TTLL13: variants seen among roughly 807,000 people sequenced by gnomAD.
TTLL13 encodes the protein tubulin polyglutamylase TTLL13.
At chr15:90,254,283 A>T in the TTLL13 span, among the ~76,000 whole-genome samples, 2 of 151,552 alleles carry the variant, frequency 1.3e-5, no homozygotes, top group East Asian at 1.9e-4. Context: ...TCATGAGGTC[A>T]GGAGTTCAAG....
the TTLL13 span, chr15:90,265,435 T>G: frequency 7.7e-7 from 1 of 1,306,596 alleles, no homozygotes; most frequent in East Asian, 3.5e-5. Context: ...GGACGGCTCT[T>G]GGAAACGGAA....
At chr15:90,262,481 T>A in the TTLL13 span, 1 of 1,471,304 alleles carries the variant, frequency 6.8e-7, no homozygotes, top group Non-Finnish European at 8.9e-7. Flanking sequence ...GAAGCTGCTG[T>A]GTCTTGTCAG....
At chr15:90,250,623 CTG>C in the TTLL13 span, 1 of 1,610,960 alleles carries the variant, frequency 6.2e-7, no homozygotes, top group South Asian at 1.1e-5. Context: ...CCCTCAGAAT[CTG>C]AGAGAATGGA....
chr15:90,261,309 C>G, the TTLL13 span, among the ~76,000 whole-genome samples: 1 of 151,088 alleles, frequency 6.6e-6, no homozygotes, highest in African/African-American at 2.4e-5. Flanking sequence ...GAATTCCCAA[C>G]CTCAAGTGAT....
chr15:90,258,501 C>T, the TTLL13 span: 1 of 615,892 alleles, frequency 1.6e-6, no homozygotes, highest in Non-Finnish European at 2.8e-6. Flanking sequence ...ATCCCCAGTG[C>T]CCTAATGTAA....
At chr15:90,263,705 T>C in the TTLL13 span, 1 of 634,266 alleles carries the variant, frequency 1.6e-6, no homozygotes, top group East Asian at 2.7e-5. Context: ...CAAACTTACA[T>C]AAAAATGTGG....
chr15:90,256,105 A>G, the TTLL13 span: 1 of 1,608,520 alleles, frequency 6.2e-7, no homozygotes. Context: ...GCCTTGATGC[A>G]CAGAAACCTT....
chr15:90,261,675 G>A, the TTLL13 span, among the ~76,000 whole-genome samples: 1 of 152,154 alleles, frequency 6.6e-6, no homozygotes, highest in Non-Finnish European at 1.5e-5. Flanking sequence ...AGCTACTTGG[G>A]AGGCTGAGGC....
chr15:90,260,596 TA>T, the TTLL13 span, among the ~76,000 whole-genome samples: 5 of 152,124 alleles, frequency 3.3e-5, no homozygotes, highest in African/African-American at 1.2e-4. Flanking sequence ...CTCAGGCCTG[TA>T]ATCTCAGCCC....
chr15:90,262,505 G>A, the TTLL13 span: 1 of 1,501,242 alleles, frequency 6.7e-7, no homozygotes, highest in South Asian at 1.3e-5. Flanking sequence ...GCAACTAGAG[G>A]AGATCCGCCT....
the TTLL13 span, chr15:90,258,527 C>G: frequency 1.6e-6 from 1 of 614,198 alleles, no homozygotes; most frequent in South Asian, 2.0e-5. Flanking sequence ...TAGGGACACA[C>G]TATCTAGAGA....
the TTLL13 span, among the ~76,000 whole-genome samples, chr15:90,259,718 A>T: frequency 3.2e-4 from 49 of 152,322 alleles, no homozygotes; most frequent in Admixed American, 1.3e-3. Flanking sequence ...TCCTTTAGAA[A>T]CCAGTTCCTG....
At chr15:90,251,174 C>T in the TTLL13 span, among the ~76,000 whole-genome samples, 3 of 131,144 alleles carry the variant, frequency 2.3e-5, no homozygotes, top group African/African-American at 8.7e-5. Flanking sequence ...AGTACAGTGG[C>T]GTGATCTCGG....
the TTLL13 span, chr15:90,263,218 C>A: frequency 7.4e-7 from 1 of 1,349,770 alleles, no homozygotes; most frequent in South Asian, 1.5e-5. Context: ...GTGTTGGTCT[C>A]AACAAAGGAG....
At chr15:90,257,147 A>T in the TTLL13 span, 9 of 1,613,304 alleles carry the variant, frequency 5.6e-6, no homozygotes, top group South Asian at 9.9e-5. Flanking sequence ...GCCCCTCCTC[A>T]TTGATGGCTT....
the TTLL13 span, chr15:90,256,137 A>G: frequency 3.7e-6 from 6 of 1,613,808 alleles, no homozygotes; most frequent in Non-Finnish European, 5.1e-6. Context: ...CTCTCTGCAC[A>G]TAGCTATGGG....
the TTLL13 span, chr15:90,255,769 C>T: frequency 1.2e-6 from 2 of 1,614,164 alleles, no homozygotes; most frequent in Non-Finnish European, 8.5e-7. Flanking sequence ...TCAACCACTT[C>T]CCTGGCATGA....
the TTLL13 span, chr15:90,258,134 C>T: frequency 1.2e-6 from 2 of 1,614,252 alleles, no homozygotes; most frequent in East Asian, 4.5e-5. Context: ...AAACCATCAT[C>T]TCAGCCCATT....
the TTLL13 span, chr15:90,253,118 C>A: frequency 1.0e-5 from 6 of 594,892 alleles, no homozygotes; most frequent in Non-Finnish European, 1.5e-5. Context: ...AAGTACAGGG[C>A]TGAGGCAAGA....
Sources: gnomAD v4.1 joint callset for allele counts (sites outside exome capture counted in the v4.1 genomes callset) on GRCh38, gnomAD v4.1.1 for gene constraint, MANE v1.5 for transcripts, NCBI Gene and HGNC (gene_info 2026-07-23, HGNC 2026-07-21) for gene names.